Variants in MACROD2 observed in about 807,000 individuals in gnomAD.
MACROD2 encodes the protein ADP-ribose glycohydrolase MACROD2.
In MACROD2, 36 loss-of-function variants were observed where a neutral mutation model predicts 70.4. The observed-to-expected ratio is 0.51, with a 90% CI of 0.39 to 0.68. The LOEUF is 0.68. Among genes scored for constraint, MACROD2 ranks in the 30% least tolerant of loss-of-function variants. MACROD2 has a pLI of 0.00. For missense variants in MACROD2, 496 were observed against 538.4 expected (o/e 0.92, Z 0.78); for synonymous variants, 172 against 178.8 (o/e 0.96, Z 0.30).
At chr20:15,238,428 G>A (rs932185961) in intron 6 of MACROD2, among the ~76,000 whole-genome samples, 5 of 151,872 alleles carry the variant, frequency 3.3e-5, no homozygotes, top group African/African-American at 4.8e-5. Context: ...TGCAAATTAC[G>A]GAAGAGTTGG....
At chr20:14,090,730 T>G (rs2148672364) in intron 3 of MACROD2, among the ~76,000 whole-genome samples, 1 of 152,342 alleles carries the variant, frequency 6.6e-6, no homozygotes, top group Non-Finnish European at 1.5e-5. Context: ...AACATGGCAG[T>G]ACCGATATCC....
chr20:14,725,367 A>G (rs946879848), intron 5 of MACROD2, among the ~76,000 whole-genome samples: 3 of 152,072 alleles, frequency 2.0e-5, no homozygotes, highest in Non-Finnish European at 4.4e-5. Flanking sequence ...GAGAATGGAG[A>G]TGGAAAAAAG....
At chr20:15,843,137 A>G (rs1035971519) in intron 8 of MACROD2, among the ~76,000 whole-genome samples, 12 of 152,188 alleles carry the variant, frequency 7.9e-5, no homozygotes, top group Admixed American at 1.3e-4. Flanking sequence ...TAAATGAGGT[A>G]ATCAACATGA....
At chr20:14,390,272 C>T (rs2083512624) in intron 3 of MACROD2, among the ~76,000 whole-genome samples, 1 of 152,132 alleles carries the variant, frequency 6.6e-6, no homozygotes, top group Non-Finnish European at 1.5e-5. Flanking sequence ...GGAAAATATT[C>T]CATGCTCATG....
At chr20:15,457,733 A>G (rs910398703) in intron 7 of MACROD2, among the ~76,000 whole-genome samples, 1 of 152,112 alleles carries the variant, frequency 6.6e-6, no homozygotes, top group African/African-American at 2.4e-5. Context: ...CCATTTGAGG[A>G]CATAATGCTC....
At chr20:15,969,901 G>GTAAA (rs139408343) in intron 13 of MACROD2, among the ~76,000 whole-genome samples, 1 of 150,184 alleles carries the variant, frequency 6.7e-6, no homozygotes. Context: ...GCCCATCATA[G>GTAAA]TAAATAAATA....
At chr20:15,748,838 G>A (rs960897015) in intron 8 of MACROD2, among the ~76,000 whole-genome samples, 1 of 152,046 alleles carries the variant, frequency 6.6e-6, no homozygotes, top group Non-Finnish European at 1.5e-5. Flanking sequence ...TGACAAACAC[G>A]TATATACTGT....
chr20:14,556,439 C>G (rs1459046163), intron 4 of MACROD2, among the ~76,000 whole-genome samples: 1 of 152,060 alleles, frequency 6.6e-6, no homozygotes, highest in African/African-American at 2.4e-5. Flanking sequence ...AGCCTCCAAA[C>G]TGCCAGAACT....
intron 5 of MACROD2, among the ~76,000 whole-genome samples, chr20:14,984,815 T>C (rs1234135750): frequency 6.6e-6 from 1 of 152,022 alleles, no homozygotes; most frequent in Non-Finnish European, 1.5e-5. Flanking sequence ...GAGGAACAAA[T>C]AGAGTAGAGG....
At chr20:15,654,526 C>CT (rs1740309235) in intron 8 of MACROD2, among the ~76,000 whole-genome samples, 1 of 152,220 alleles carries the variant, frequency 6.6e-6, no homozygotes, top group African/African-American at 2.4e-5. Flanking sequence ...ATCTCTCCCT[C>CT]TTCCCTAAGC....
chr20:14,802,311 A>G (rs1045310610), intron 5 of MACROD2, among the ~76,000 whole-genome samples: 4 of 152,136 alleles, frequency 2.6e-5, no homozygotes, highest in African/African-American at 9.7e-5. Context: ...TGGTTTTCAC[A>G]TGCTTCTGAA....
At chr20:14,089,790 A>G (rs1316786548) in intron 3 of MACROD2, among the ~76,000 whole-genome samples, 1 of 152,232 alleles carries the variant, frequency 6.6e-6, no homozygotes, top group Non-Finnish European at 1.5e-5. Context: ...GATAGAAAAG[A>G]CAAAAATAAC....
intron 3 of MACROD2, among the ~76,000 whole-genome samples, chr20:14,227,307 C>T (rs549716268): frequency 1.6e-4 from 25 of 152,210 alleles, no homozygotes; most frequent in African/African-American, 4.1e-4. Context: ...CTCGGGTCCC[C>T]TTTCACATGG....
At chr20:15,879,395 A>G (rs904442440) in intron 9 of MACROD2, among the ~76,000 whole-genome samples, 3 of 152,138 alleles carry the variant, frequency 2.0e-5, no homozygotes, top group Admixed American at 6.6e-5. Context: ...TTGCACAAAT[A>G]TGACTCAAGC....
intron 5 of MACROD2, among the ~76,000 whole-genome samples, chr20:15,085,873 AACACACACACACACACAC>A (rs3070249): frequency 1.4e-5 from 2 of 144,292 alleles, no homozygotes; most frequent in Admixed American, 6.9e-5. Flanking sequence ...ACACACACAC[AACACACACACACACACAC>A]ACACACACAC....
intron 2 of MACROD2, among the ~76,000 whole-genome samples, chr20:14,042,918 GTT>G (rs573192408): frequency 2.8e-5 from 4 of 141,260 alleles, no homozygotes; most frequent in Admixed American, 7.0e-5. Context: ...CAGGTGGTGG[GTT>G]TTTTTTTTTT....
At chr20:14,499,073 A>C (rs1405656240) in intron 4 of MACROD2, among the ~76,000 whole-genome samples, 1 of 152,256 alleles carries the variant, frequency 6.6e-6, no homozygotes. Context: ...TGTGCTCAGC[A>C]GGGGAGGGGC....
chr20:15,034,816 T>C (rs996383292), intron 5 of MACROD2, among the ~76,000 whole-genome samples: 1 of 152,214 alleles, frequency 6.6e-6, no homozygotes, highest in Non-Finnish European at 1.5e-5. Context: ...ATAATATATT[T>C]AGTAGTTGAA....
intron 4 of MACROD2, among the ~76,000 whole-genome samples, chr20:14,564,886 A>G (rs952175368): frequency 6.6e-6 from 1 of 151,994 alleles, no homozygotes; most frequent in African/African-American, 2.4e-5. Context: ...CCCTGTGTTC[A>G]TATGCTTATT....
Sources: allele counts gnomAD v4.1 joint callset (sites outside exome capture counted in the v4.1 genomes callset), GRCh38; gene constraint gnomAD v4.1.1; transcripts MANE v1.5; gene names NCBI Gene and HGNC (gene_info 2026-07-23, HGNC 2026-07-21).